ARK2C: variants seen among roughly 807,000 people sequenced by gnomAD.
The protein encoded by ARK2C is E3 ubiquitin-protein ligase ARK2C.
the ARK2C span, among the ~76,000 whole-genome samples, chr18:46,348,147 G>C: frequency 2.0e-5 from 3 of 151,802 alleles, no homozygotes; most frequent in Non-Finnish European, 2.9e-5. Context: ...GGCAATGCCT[G>C]GGGGAGCTGA....
chr18:46,372,002 T>C, the ARK2C span, among the ~76,000 whole-genome samples: 1 of 152,230 alleles, frequency 6.6e-6, no homozygotes, highest in African/African-American at 2.4e-5. Flanking sequence ...GAGAGCTGAC[T>C]GTAGGGTCCT....
the ARK2C span, among the ~76,000 whole-genome samples, chr18:46,392,539 C>A: frequency 6.7e-6 from 1 of 148,746 alleles, no homozygotes; most frequent in East Asian, 2.0e-4. Flanking sequence ...GTGGCCAGAG[C>A]CCCTGTCCTG....
the ARK2C span, chr18:46,450,486 A>C: frequency 9.5e-7 from 1 of 1,047,966 alleles, no homozygotes; most frequent in Non-Finnish European, 1.5e-6. Context: ...TCTGCTGGTG[A>C]GTAGGGTATG....
the ARK2C span, chr18:46,450,830 T>A: frequency 6.5e-7 from 1 of 1,529,090 alleles, no homozygotes; most frequent in Non-Finnish European, 9.1e-7. Flanking sequence ...GCCTGCATAG[T>A]CAGGGAATGG....
At chr18:46,354,179 G>A in the ARK2C span, among the ~76,000 whole-genome samples, 1 of 152,214 alleles carries the variant, frequency 6.6e-6, no homozygotes, top group Admixed American at 6.5e-5. Context: ...GAAGGCCCAG[G>A]GAAGGGCATG....
At chr18:46,342,919 A>G in the ARK2C span, among the ~76,000 whole-genome samples, 2 of 152,334 alleles carry the variant, frequency 1.3e-5, no homozygotes, top group Non-Finnish European at 2.9e-5. Context: ...GGAGCTGTAA[A>G]CACAATATAT....
At chr18:46,360,482 A>G in the ARK2C span, among the ~76,000 whole-genome samples, 3 of 152,226 alleles carry the variant, frequency 2.0e-5, no homozygotes, top group Non-Finnish European at 4.4e-5. Context: ...CAAACACCTC[A>G]TTTACAAACA....
chr18:46,417,945 A>C, the ARK2C span, among the ~76,000 whole-genome samples: 1 of 152,108 alleles, frequency 6.6e-6, no homozygotes, highest in Non-Finnish European at 1.5e-5. Flanking sequence ...TGGAGGTTGC[A>C]GTGAGCCAAG....
At chr18:46,420,125 C>T in the ARK2C span, among the ~76,000 whole-genome samples, 49 of 152,262 alleles carry the variant, frequency 3.2e-4, no homozygotes, top group African/African-American at 1.2e-3. Flanking sequence ...ACTCCCATGG[C>T]GCCTCCACTC....
chr18:46,363,557 A>G, the ARK2C span, among the ~76,000 whole-genome samples: 2 of 152,106 alleles, frequency 1.3e-5, no homozygotes, highest in Non-Finnish European at 2.9e-5. Flanking sequence ...CACCCCTGCA[A>G]ACCTCCCTCC....
At chr18:46,381,138 C>T in the ARK2C span, among the ~76,000 whole-genome samples, 1 of 152,218 alleles carries the variant, frequency 6.6e-6, no homozygotes, top group African/African-American at 2.4e-5. Context: ...TGGAGTGAGA[C>T]GGCAACGCTG....
At chr18:46,436,296 A>G in the ARK2C span, among the ~76,000 whole-genome samples, 1,140 of 152,104 alleles carry the variant, frequency 7.5e-3, 21 homozygotes, top group African/African-American at 0.026. Flanking sequence ...GTGTGCGTGT[A>G]AGTATATACA....
At chr18:46,397,449 A>G in the ARK2C span, among the ~76,000 whole-genome samples, 15 of 77,370 alleles carry the variant, frequency 1.9e-4, no homozygotes, top group African/African-American at 6.5e-4. Context: ...CTGAGGTGTG[A>G]GGGGGTGTGT....
At chr18:46,399,440 G>T in the ARK2C span, among the ~76,000 whole-genome samples, 1 of 152,228 alleles carries the variant, frequency 6.6e-6, no homozygotes, top group Non-Finnish European at 1.5e-5. Context: ...GTGTGCATTT[G>T]TACTGGGCCT....
At chr18:46,392,371 G>T in the ARK2C span, among the ~76,000 whole-genome samples, 2 of 152,234 alleles carry the variant, frequency 1.3e-5, no homozygotes, top group Non-Finnish European at 2.9e-5. Context: ...GATTGTCCTG[G>T]TGTCCACTCT....
At chr18:46,459,190 G>C in the ARK2C span, 2 of 152,234 alleles carry the variant, frequency 1.3e-5, no homozygotes, top group Non-Finnish European at 2.9e-5. Flanking sequence ...GGGAGTCAGT[G>C]GGGAGGCCAG....
chr18:46,339,005 T>C, the ARK2C span, among the ~76,000 whole-genome samples: 1 of 152,166 alleles, frequency 6.6e-6, no homozygotes, highest in Admixed American at 6.5e-5. Flanking sequence ...CTCTTTGTTC[T>C]CGTGCTCTTC....
chr18:46,415,191 C>A, the ARK2C span, among the ~76,000 whole-genome samples: 3 of 152,070 alleles, frequency 2.0e-5, no homozygotes, highest in Non-Finnish European at 2.9e-5. Context: ...ATGTGAATAC[C>A]CACGTGAGCC....
chr18:46,365,774 T>C, the ARK2C span, among the ~76,000 whole-genome samples: 20 of 152,212 alleles, frequency 1.3e-4, no homozygotes, highest in South Asian at 1.2e-3. Context: ...AAGTGGGACA[T>C]CTCACTTTGC....
Sources: gnomAD v4.1 joint callset for allele counts (sites outside exome capture counted in the v4.1 genomes callset) on GRCh38, gnomAD v4.1.1 for gene constraint, MANE v1.5 for transcripts, NCBI Gene and HGNC (gene_info 2026-07-23, HGNC 2026-07-21) for gene names.